Variants in PLCL2 observed in about 807,000 individuals in gnomAD.
PLCL2 encodes phospholipase C like 2, also known as inactive phospholipase C-like protein 2.
PLCL2 carries 4 observed loss-of-function variants against 79.6 expected under a neutral mutation model. The ratio of observed to expected loss-of-function variants is 0.05; its 90% CI spans 0.02 to 0.11. The LOEUF (loss-of-function observed/expected upper bound fraction) is 0.11. Among genes scored for constraint, PLCL2 ranks in the 10% least tolerant of loss-of-function variants. The probability of loss-of-function intolerance (pLI) is 1.00; values close to 1 mark genes in which losing one functional copy is unlikely to be tolerated. For synonymous variants in PLCL2, 484 were observed against 457.7 expected, an observed-to-expected ratio of 1.06 and a Z score of -0.73; for missense variants, 895 against 1,291.0, an observed-to-expected ratio of 0.69 and a Z score of 4.70.
chr3:17,051,276 T>C (rs892347429), intron 4 of PLCL2, among the ~76,000 whole-genome samples: 1 of 152,170 alleles, frequency 6.6e-6, no homozygotes, highest in African/African-American at 2.4e-5. Context: ...TTAATAATTT[T>C]ATTGTACATT....
chr3:16,988,022 T>C (rs183248018), intron 1 of PLCL2, among the ~76,000 whole-genome samples: 110 of 152,296 alleles, frequency 7.2e-4, no homozygotes, highest in Admixed American at 1.2e-3. Context: ...GGTATTTCAT[T>C]AGTAACCAGA....
At position 16,903,756 on chromosome 3, in the gene PLCL2, G is replaced by A. The variant is rs149266192; in HGVS notation, c.327+18390G>A. Among the ~76,000 whole-genome samples the A allele has an allele frequency of 8.2e-3, 1,243 of 152,282 alleles. 15 individuals are homozygous for A. Among genetic ancestry groups the A allele is most frequent in the Non-Finnish European group, 0.012 (831 of 68,014 alleles). Reference sequence around the variant, plus strand: ...AAACCCTGTGAAGCTTTATTTTTGGGAAATGATCAGGTTGGTTTTGTGGCT... The same window carrying A: ...AAACCCTGTGAAGCTTTATTTTTGGAAAATGATCAGGTTGGTTTTGTGGCT... On this transcript the variant is annotated intron_variant, in intron 1 of 5. Transcript: ENST00000615277.
At chr3:16,909,076 G>A (rs1005944090) in intron 1 of PLCL2, among the ~76,000 whole-genome samples, 1 of 152,188 alleles carries the variant, frequency 6.6e-6, no homozygotes, top group Non-Finnish European at 1.5e-5. Flanking sequence ...TGTCTCAGGA[G>A]TAATATAGAA....
At chr3:16,902,881 T>TGC (rs1272936432) in intron 1 of PLCL2, among the ~76,000 whole-genome samples, 1,917 of 133,898 alleles carry the variant, frequency 0.014, 60 homozygotes, top group African/African-American at 0.048. Context: ...TGTGTGTGTG[T>TGC]GNGCGCATGT....
chr3:16,921,254 G>T (rs1697119101), intron 1 of PLCL2, among the ~76,000 whole-genome samples: 1 of 152,190 alleles, frequency 6.6e-6, no homozygotes, highest in African/African-American at 2.4e-5. Flanking sequence ...TTTGAAAAGA[G>T]TCTTTCAAAT....
At chr3:16,922,294 TTA>T (rs1325088355) in intron 1 of PLCL2, among the ~76,000 whole-genome samples, 1 of 152,214 alleles carries the variant, frequency 6.6e-6, no homozygotes, top group African/African-American at 2.4e-5. Context: ...TTCTGAAATT[TTA>T]TAAAGGTCTA....
chr3:16,960,091 G>GA (rs1403456269), intron 1 of PLCL2, among the ~76,000 whole-genome samples: 10 of 151,960 alleles, frequency 6.6e-5, no homozygotes, highest in African/African-American at 2.4e-4. Context: ...GGCGACAGAG[G>GA]AAGACTCCAT....
At chr3:16,932,141 T>C (rs1436371694) in intron 1 of PLCL2, among the ~76,000 whole-genome samples, 1 of 152,224 alleles carries the variant, frequency 6.6e-6, no homozygotes, top group Non-Finnish European at 1.5e-5. Context: ...TCTATGGTAA[T>C]TCGTTATGGC....
intron 3 of PLCL2, among the ~76,000 whole-genome samples, chr3:17,033,117 G>T (rs2064602835): frequency 6.6e-6 from 1 of 152,126 alleles, no homozygotes; most frequent in African/African-American, 2.4e-5. Context: ...TATGTAACAG[G>T]AAAGACACAT....
intron 1 of PLCL2, among the ~76,000 whole-genome samples, chr3:16,896,551 A>T (rs1398071325): frequency 6.6e-6 from 1 of 152,238 alleles, no homozygotes; most frequent in Non-Finnish European, 1.5e-5. Context: ...GCTGCTCATA[A>T]TAAAACTTTG....
rs535655785 is a variant in PLCL2, at chr3:17,037,585, G to A, written c.3019-5289G>A. 1.7e-4 allele frequency among the ~76,000 whole-genome samples: 26 copies of A among 152,200 alleles called. No homozygotes were observed. In the South Asian group the frequency reaches 5.2e-3, roughly 30 times the overall value. ...CAGTAGCCACATCTGTGTTGAGCAG[G>A]ACAGGCAAAGAAAGCAGTTTAGAGG... On this transcript the variant is annotated intron_variant, in intron 3 of 5. Transcript: ENST00000615277.
rs1292176097 is a variant in PLCL2 at position 17,016,077 on chromosome 3, C to A, written c.3018+1166C>A. On this transcript the variant is annotated intron_variant, in intron 3 of 5. Coordinates refer to ENST00000615277, the MANE Select transcript of PLCL2 (RefSeq NM_001144382.2). The stretch of plus-strand genomic sequence containing the variant: ...CAAAAGTAATCAGATATCTTTACTG[C>A]AGGATTTCTTAGAACCTTTTATTTG... Among the ~76,000 whole-genome samples the A allele has an allele frequency of 3.3e-5, 5 of 152,160 alleles. No individual in the cohort carries two copies. In the East Asian group the frequency reaches 9.6e-4, roughly 29 times the overall value.
chr3:17,072,687 A>AG (rs1198585127), intron 5 of PLCL2, among the ~76,000 whole-genome samples: 65 of 150,360 alleles, frequency 4.3e-4, no homozygotes, highest in Admixed American at 2.7e-3. Context: ...AAAAAAAAAA[A>AG]GACAATATGA....
chr3:16,917,278 G>C (rs1453051611), intron 1 of PLCL2, among the ~76,000 whole-genome samples: 1 of 152,170 alleles, frequency 6.6e-6, no homozygotes, highest in Non-Finnish European at 1.5e-5. Flanking sequence ...CTATTACTAG[G>C]TTCAGCAGTA....
intron 1 of PLCL2, among the ~76,000 whole-genome samples, chr3:16,966,482 T>G (rs1013605144): frequency 2.6e-5 from 4 of 152,132 alleles, no homozygotes; most frequent in African/African-American, 9.7e-5. Context: ...AAATTCTCTT[T>G]TTTTGTTGTG....
intron 1 of PLCL2, among the ~76,000 whole-genome samples, chr3:16,904,581 C>A (rs115137140): frequency 0.012 from 1,824 of 152,228 alleles, 31 homozygotes; most frequent in African/African-American, 0.041. Flanking sequence ...TTTTACCCAG[C>A]TGCCATCCTG....
chr3:16,986,506 A>T (rs1292111717), intron 1 of PLCL2, among the ~76,000 whole-genome samples: 1 of 152,062 alleles, frequency 6.6e-6, no homozygotes, highest in African/African-American at 2.4e-5. Context: ...AGTTCAAGCA[A>T]TTCTCCTGCC....
At chr3:16,942,068 G>A (rs573707357) in intron 1 of PLCL2, among the ~76,000 whole-genome samples, 13 of 152,144 alleles carry the variant, frequency 8.5e-5, no homozygotes, top group Non-Finnish European at 1.8e-4. Flanking sequence ...AGGAGAAACC[G>A]TGAAGTATGT....
intron 1 of PLCL2, among the ~76,000 whole-genome samples, chr3:16,944,040 C>A (rs1430771557): frequency 6.6e-6 from 1 of 152,196 alleles, no homozygotes; most frequent in Admixed American, 6.5e-5. Context: ...AAGGGCATGA[C>A]TGTTGTAATC....
Sources: allele counts gnomAD v4.1 joint callset (sites outside exome capture counted in the v4.1 genomes callset), GRCh38; gene constraint gnomAD v4.1.1; transcripts MANE v1.5; gene names NCBI Gene and HGNC (gene_info 2026-07-23, HGNC 2026-07-21).